Variants in NSD1 observed in about 807,000 individuals in gnomAD.
The protein encoded by NSD1 is nuclear receptor binding SET domain protein 1.
In NSD1, 26 loss-of-function variants were observed where a neutral mutation model predicts 242.7. The ratio of observed to expected loss-of-function variants is 0.11; its 90% CI spans 0.08 to 0.15. NSD1 has a LOEUF of 0.15. Among genes scored for constraint, NSD1 ranks in the 10% least tolerant of loss-of-function variants. NSD1 has a pLI of 1.00. For synonymous variants in NSD1, 1,106 were observed against 1,178.1 expected (o/e 0.94, Z 1.25); for missense variants, 2,495 against 3,272.8 (o/e 0.76, Z 5.80).
intron 2 of NSD1, among the ~76,000 whole-genome samples, chr5:177,141,456 A>G (rs1296292574): frequency 7.1e-6 from 1 of 141,072 alleles, no homozygotes; most frequent in Admixed American, 7.2e-5. Flanking sequence ...TCAGCCTCCC[A>G]AGTAGCTGGG....
In NSD1 at chr5:177,200,850, A is replaced by G. The variant is rs535826847; in HGVS notation, c.1064-3270A>G. On this transcript the variant is annotated intron_variant, in intron 3 of 22. Transcript: ENST00000439151. ...CATTTGGGTTGTTTTCCTTTTGGCCATTCTGAACAGTGTTTCTATAAACAT... is the reference window on the plus strand; with the variant it reads ...CATTTGGGTTGTTTTCCTTTTGGCCGTTCTGAACAGTGTTTCTATAAACAT... Among the ~76,000 whole-genome samples, 256 of 151,204 alleles carry G rather than the reference A, an allele frequency of 1.7e-3. 1 individual carries two copies. The highest frequency in any genetic ancestry group is 3.4e-3 in the Middle Eastern group (1 of 290).
chr5:177,171,692 T>C (rs1001388369), intron 2 of NSD1, among the ~76,000 whole-genome samples: 3 of 152,242 alleles, frequency 2.0e-5, no homozygotes, highest in African/African-American at 7.2e-5. Flanking sequence ...GTATTTTATT[T>C]AAGTGGAGTC....
intron 17 of NSD1, among the ~76,000 whole-genome samples, chr5:177,279,912 C>T (rs1209414175): frequency 1.8e-4 from 27 of 147,160 alleles, no homozygotes; most frequent in Non-Finnish European, 2.5e-4. Context: ...CCACCAGGCG[C>T]GGCTGAAATT....
chr5:177,264,602 A>G (rs1339175366), intron 14 of NSD1, among the ~76,000 whole-genome samples: 2 of 152,228 alleles, frequency 1.3e-5, no homozygotes, highest in African/African-American at 4.8e-5. Flanking sequence ...CAATACAGAC[A>G]AAAGTGAGCT....
chr5:177,269,779 C>A lies in NSD1; in HGVS notation c.5481C>A (p.Gly1827=). 3 of 1,613,968 alleles carry A rather than the reference C, an allele frequency of 1.9e-6. No homozygotes were observed. The highest frequency in any genetic ancestry group is 2.5e-6 in the Non-Finnish European group (3 of 1,179,944). ...EGDVSSKDKM[G]KGVDGTYKKA... ...ACGTGAGCAGCAAGGATAAGATGGG[C>A]AAAGGAGTGGATGGGACATATAAAA... Residue 1827 remains glycine (G), a synonymous_variant, in exon 16 of 23, where the codon GGC becomes GGA. Transcript: ENST00000439151. This position sits in a 1 kb window ranked among gnomAD's most constrained non-coding sequence, Gnocchi z 5.1.
intron 8 of NSD1, 149 bp downstream of exon 8, chr5:177,240,014 T>C (rs1299330964): frequency 1.6e-6 from 1 of 608,034 alleles, no homozygotes; most frequent in African/African-American, 1.9e-5. Flanking sequence ...TGAGATTTCC[T>C]ACATGAAAGG....
At chr5:177,282,729 G>T (rs1758990809) in intron 19 of NSD1, 148 bp downstream of exon 19, 4 of 731,406 alleles carry the variant, frequency 5.5e-6, no homozygotes, top group African/African-American at 5.2e-5. Context: ...TTCTGGAGTA[G>T]GTAAGAGTGC....
chr5:177,245,882 C>T (rs140051088), intron 9 of NSD1, among the ~76,000 whole-genome samples: 3 of 152,162 alleles, frequency 2.0e-5, no homozygotes, highest in Middle Eastern at 3.4e-3. Context: ...CGTGATCTGT[C>T]CACCTTGGCC....
chr5:177,212,289 G>A (rs1763407236), intron 5 of NSD1, 94 bp downstream of exon 5: 1 of 1,293,840 alleles, frequency 7.7e-7, no homozygotes, highest in Non-Finnish European at 1.1e-6. Flanking sequence ...ATGGTAAAGT[G>A]AAGTATAAAC....
chr5:177,158,289 CTTTCTTT>C (rs1294478637), intron 2 of NSD1, among the ~76,000 whole-genome samples: 1 of 94,628 alleles, frequency 1.1e-5, no homozygotes, highest in African/African-American at 5.9e-5. Context: ...TTCTTTCTTT[CTTTCTTT>C]CTTTCTTTTC....
At chr5:177,186,176 A>G (rs1246813232) in intron 2 of NSD1, among the ~76,000 whole-genome samples, 1 of 139,704 alleles carries the variant, frequency 7.2e-6, no homozygotes, top group African/African-American at 2.7e-5. Context: ...TTGTAGTCCC[A>G]ACTACCTGGG....
chr5:177,190,795 G>A (rs372112792), intron 2 of NSD1, among the ~76,000 whole-genome samples: 16 of 147,748 alleles, frequency 1.1e-4, no homozygotes, highest in African/African-American at 4.1e-4. Flanking sequence ...TCAGCCTCCC[G>A]AGTAGCTGGG....
At chr5:177,268,375 CTAA>C (rs928792790) in intron 15 of NSD1, among the ~76,000 whole-genome samples, 19 of 150,030 alleles carry the variant, frequency 1.3e-4, no homozygotes, top group Non-Finnish European at 2.2e-4. Context: ...ATACCTAATG[CTAA>C]ATGACGAGTT....
rs61538775 is a variant in NSD1, at chr5:177,264,028, A to ATTTTT, written c.5147-3512_5147-3508dup. Among the ~76,000 whole-genome samples the ATTTTT allele has an allele frequency of 7.2e-3, 548 of 76,346 alleles. 91 individuals carry two copies. Among genetic ancestry groups the ATTTTT allele is most frequent in the African/African-American group, 0.023 (443 of 19,476 alleles). 50.1% of individuals were successfully genotyped at this position (76,346 alleles called of 152,430 possible). ...AAGATGCATATGACTCAATGAACCA[A>ATTTTT]TTTTTTTTTTTTTTTTTTTTTTTTT... On this transcript the variant is annotated intron_variant, in intron 14 of 22. Transcript: ENST00000439151.
chr5:177,266,607 C>G, intron 14 of NSD1: 1 of 628,084 alleles, frequency 1.6e-6, no homozygotes, highest in Non-Finnish European at 2.4e-6. Context: ...GCACCTACTC[C>G]TCTTCCGGCC....
chr5:177,140,246 G>A (rs376771838), intron 2 of NSD1, among the ~76,000 whole-genome samples: 22 of 152,142 alleles, frequency 1.4e-4, no homozygotes, highest in African/African-American at 4.8e-4. Context: ...AAGGTTTTAT[G>A]CTTTGTTGTT....
intron 5 of NSD1, among the ~76,000 whole-genome samples, chr5:177,221,940 G>A (rs1581363476): frequency 6.6e-6 from 1 of 151,906 alleles, no homozygotes; most frequent in African/African-American, 2.4e-5. Flanking sequence ...CTCCTAAGTA[G>A]CTGGGACTAC....
chr5:177,237,919 AT>A (rs984288524), intron 6 of NSD1, among the ~76,000 whole-genome samples: 1 of 152,008 alleles, frequency 6.6e-6, no homozygotes, highest in African/African-American at 2.4e-5. Flanking sequence ...CATCTCGATA[AT>A]TTTTTTCATC....
intron 22 of NSD1, 36 bp downstream of exon 22, chr5:177,292,194 C>T (rs1759892769): frequency 6.2e-7 from 1 of 1,601,558 alleles, no homozygotes; most frequent in Admixed American, 1.7e-5. Flanking sequence ...GCTACTCGTT[C>T]TCTCCATCAT....
Sources: gnomAD v4.1 joint callset for allele counts (sites outside exome capture counted in the v4.1 genomes callset) on GRCh38, gnomAD v4.1.1 for gene constraint, Gnocchi (gnomAD v3.1) non-coding constraint, MANE v1.5 for transcripts, NCBI Gene and HGNC (gene_info 2026-07-23, HGNC 2026-07-21) for gene names.